The following SEMA3A variants were observed in gnomAD, a reference collection of about 807,000 sequenced individuals.
The protein encoded by SEMA3A is semaphorin 3A.
A neutral mutation model predicts 97.9 loss-of-function variants in SEMA3A; 29 were observed. The ratio of observed to expected loss-of-function variants is 0.30; its 90% CI spans 0.22 to 0.40. The LOEUF (loss-of-function observed/expected upper bound fraction) is 0.40. Ranked by LOEUF, SEMA3A falls within the 10% of genes least tolerant of loss-of-function variation. The pLI, the probability that SEMA3A is intolerant of heterozygous loss-of-function variation, is 1.00. For missense variants in SEMA3A, 763 were observed against 951.3 expected, an observed-to-expected ratio of 0.80 and a Z score of 2.60; for synonymous variants, 321 against 323.7, an observed-to-expected ratio of 0.99 and a Z score of 0.09.
chr7:84,076,753 G>C (rs1185032140), intron 4 of SEMA3A, among the ~76,000 whole-genome samples: 2 of 152,090 alleles, frequency 1.3e-5, no homozygotes, highest in Admixed American at 1.3e-4. Flanking sequence ...TGAAAAGTTA[G>C]TATCATGTTA....
chr7:84,322,612 C>T (rs997380453), intron 2 of SEMA3A, among the ~76,000 whole-genome samples: 4 of 152,120 alleles, frequency 2.6e-5, no homozygotes, highest in Non-Finnish European at 4.4e-5. Flanking sequence ...TCCCTTTGCT[C>T]TTCCTTCATC....
chr7:84,215,841 GTCATGTGGAAA>G (rs1798740479), intron 3 of SEMA3A, among the ~76,000 whole-genome samples: 1 of 152,002 alleles, frequency 6.6e-6, no homozygotes, highest in Admixed American at 6.6e-5. Flanking sequence ...ATTTTTCTAG[GTCATGTGGAAA>G]ATATGTAGTC....
At chr7:84,414,641 T>C (rs771987749) in intron 1 of SEMA3A, among the ~76,000 whole-genome samples, 1 of 152,006 alleles carries the variant, frequency 6.6e-6, no homozygotes, top group Non-Finnish European at 1.5e-5. Context: ...AGTGTAATCA[T>C]GAATAAACGT....
At chr7:84,380,937 A>C (rs543185841) in intron 1 of SEMA3A, among the ~76,000 whole-genome samples, 1 of 152,322 alleles carries the variant, frequency 6.6e-6, no homozygotes, top group Non-Finnish European at 1.5e-5. Context: ...TACCTGGATA[A>C]TGCAGCATAA....
In SEMA3A at chr7:83,961,686, G is replaced by T. The variant is rs987271481; in HGVS notation, c.2001C>A (p.Val667=). The T allele has an allele frequency of 1.9e-6, 3 of 1,613,704 alleles. No individual in the cohort carries two copies. The highest frequency in any genetic ancestry group is 2.5e-6 in the Non-Finnish European group (3 of 1,179,802). ...IQTLLKVTLE[V]IDTEHLEELL... ...GTTCTTCCAAATGCTCTGTGTCAATGACTTCCAGGGTTACCTTAAGAAGAG... is the reference window on the plus strand; with the variant it reads ...GTTCTTCCAAATGCTCTGTGTCAATTACTTCCAGGGTTACCTTAAGAAGAG... The change falls in exon 17 of 17, where the codon GTC becomes GTA. Residue 667 remains valine, a synonymous_variant. Coordinates refer to ENST00000265362, the MANE Select transcript of SEMA3A (RefSeq NM_006080.3).
chr7:84,140,928 C>T (rs1796275259), intron 1 of SEMA3A, among the ~76,000 whole-genome samples: 2 of 152,078 alleles, frequency 1.3e-5, no homozygotes. Flanking sequence ...TGAGCAAAAA[C>T]ATGAACAACG....
chr7:84,261,101 C>CT (rs1799847612), intron 3 of SEMA3A, among the ~76,000 whole-genome samples: 1 of 152,196 alleles, frequency 6.6e-6, no homozygotes, highest in Non-Finnish European at 1.5e-5. Flanking sequence ...ATCTGGGTCT[C>CT]TTCAACTCAT....
chr7:84,419,160 C>A (rs1457333745), intron 1 of SEMA3A, among the ~76,000 whole-genome samples: 2 of 151,974 alleles, frequency 1.3e-5, no homozygotes, highest in African/African-American at 4.8e-5. Flanking sequence ...TTCTAAATAA[C>A]CAGTGTGAAA....
At chr7:83,966,656 A>G (rs3823908) in intron 15 of SEMA3A, among the ~76,000 whole-genome samples, 3,996 of 152,116 alleles carry the variant, frequency 0.026, 166 homozygotes, top group East Asian at 0.2. Context: ...AGATTCTCCT[A>G]TTTTATATTT....
intron 2 of SEMA3A, among the ~76,000 whole-genome samples, chr7:84,345,841 T>G (rs1323457443): frequency 6.6e-6 from 1 of 152,222 alleles, no homozygotes; most frequent in Non-Finnish European, 1.5e-5. Context: ...CAGCTAATGA[T>G]ATTTTAACCT....
At chr7:84,321,408 A>G (rs1183222281) in intron 2 of SEMA3A, among the ~76,000 whole-genome samples, 1 of 152,190 alleles carries the variant, frequency 6.6e-6, no homozygotes, top group Non-Finnish European at 1.5e-5. Flanking sequence ...ATATAACACA[A>G]TCTCTCTGCA....
At position 84,097,219 on chromosome 7, in the gene SEMA3A, A is replaced by G. The variant is rs1238500847; in HGVS notation, c.453+13251T>C. On this transcript the variant is annotated intron_variant, in intron 4 of 16. Transcript: ENST00000265362. ...AGAAAAGCACTTAAAAGGATCTTGA[A>G]CCCTGGCACGTATACAAAACCGCAT... Among the ~76,000 whole-genome samples, 8 of 152,088 alleles carry G rather than the reference A, an allele frequency of 5.3e-5. No homozygotes were observed. In the East Asian group the frequency reaches 1.4e-3, roughly 26 times the overall value.
At chr7:84,459,822 G>A (rs1805777630) in intron 1 of SEMA3A, among the ~76,000 whole-genome samples, 1 of 152,116 alleles carries the variant, frequency 6.6e-6, no homozygotes, top group Non-Finnish European at 1.5e-5. Flanking sequence ...GAGCTCAGGA[G>A]TTTGAGAAGA....
At chr7:84,404,378 G>A (rs1227215050) in intron 1 of SEMA3A, among the ~76,000 whole-genome samples, 1 of 152,184 alleles carries the variant, frequency 6.6e-6, no homozygotes, top group Non-Finnish European at 1.5e-5. Flanking sequence ...AAGCCTCCAA[G>A]AAATATGGGA....
At chr7:84,358,060 G>C (rs79261980) in intron 2 of SEMA3A, among the ~76,000 whole-genome samples, 43,669 of 151,926 alleles carry the variant, frequency 0.29, 6,755 homozygotes, top group African/African-American at 0.38. Context: ...TAGTAGATTG[G>C]AAAACTTTTC....
chr7:83,992,106 G>C (rs13239443), intron 12 of SEMA3A, among the ~76,000 whole-genome samples: 103,491 of 138,816 alleles, frequency 0.75, 38,688 homozygotes, highest in East Asian at 0.89. Context: ...GTTTATTTGC[G>C]TAGAGGTGTT....
At chr7:84,081,635 G>A (rs950410191) in intron 4 of SEMA3A, among the ~76,000 whole-genome samples, 4 of 146,912 alleles carry the variant, frequency 2.7e-5, no homozygotes, top group African/African-American at 9.9e-5. Flanking sequence ...AAGCTTATGT[G>A]TTATCAATGT....
At chr7:83,988,946 A>AC (rs1218548353) in intron 12 of SEMA3A, among the ~76,000 whole-genome samples, 71 of 146,434 alleles carry the variant, frequency 4.8e-4, no homozygotes, top group South Asian at 1.7e-3. Context: ...CAGGATCCGC[A>AC]CCCCCCCGAT....
intron 2 of SEMA3A, among the ~76,000 whole-genome samples, chr7:84,333,739 G>T (rs1162676240): frequency 2.0e-5 from 3 of 152,078 alleles, no homozygotes; most frequent in Non-Finnish European, 4.4e-5. Context: ...TTTGTTTTCA[G>T]CTTGTGACTT....
Sources: gnomAD v4.1 joint callset for allele counts (sites outside exome capture counted in the v4.1 genomes callset) on GRCh38, gnomAD v4.1.1 for gene constraint, MANE v1.5 for transcripts, NCBI Gene and HGNC (gene_info 2026-07-23, HGNC 2026-07-21) for gene names.